LUZP2: variants seen among roughly 807,000 people sequenced by gnomAD.
LUZP2 encodes leucine zipper protein 2.
A neutral mutation model predicts 51.6 loss-of-function variants in LUZP2; 52 were observed. The observed-to-expected ratio is 1.01, with a 90% CI of 0.81 to 1.27. LUZP2 has a LOEUF of 1.27. LUZP2 is among the 50% of genes most tolerant of loss of function. The pLI is 0.00. For missense variants in LUZP2, 436 were observed against 395.4 expected (o/e 1.10, Z -0.87); for synonymous variants, 154 against 137.3 (o/e 1.12, Z -0.85).
At chr11:24,843,266 C>G (rs570505991) in intron 5 of LUZP2, among the ~76,000 whole-genome samples, 1 of 151,864 alleles carries the variant, frequency 6.6e-6, no homozygotes, top group Non-Finnish European at 1.5e-5. Context: ...CAAAGTGGGG[C>G]CATTTGATTT....
At chr11:24,665,676 C>T (rs935839765) in intron 1 of LUZP2, among the ~76,000 whole-genome samples, 1 of 152,080 alleles carries the variant, frequency 6.6e-6, no homozygotes. Flanking sequence ...ACAAGGCTTC[C>T]CTCTTTGCTT....
chr11:24,707,363 A>C (rs1310787100), intron 1 of LUZP2, among the ~76,000 whole-genome samples: 1 of 151,848 alleles, frequency 6.6e-6, no homozygotes, highest in Non-Finnish European at 1.5e-5. Flanking sequence ...GGCCAAATGC[A>C]CCATGAAGAC....
intron 5 of LUZP2, among the ~76,000 whole-genome samples, chr11:24,860,325 G>A (rs1851702403): frequency 6.6e-6 from 1 of 152,278 alleles, no homozygotes; most frequent in South Asian, 2.1e-4. Context: ...TGGGAGGGGT[G>A]GCTGCAGCCT....
At chr11:24,687,856 A>C (rs1856940536) in intron 1 of LUZP2, among the ~76,000 whole-genome samples, 1 of 152,182 alleles carries the variant, frequency 6.6e-6, no homozygotes. Context: ...GCTGGTAGGC[A>C]TTAACATATT....
intron 1 of LUZP2, among the ~76,000 whole-genome samples, chr11:24,632,494 T>C (rs1158523836): frequency 6.6e-6 from 1 of 151,974 alleles, no homozygotes; most frequent in Non-Finnish European, 1.5e-5. Flanking sequence ...GTGAGTTCTA[T>C]TATCAGCACA....
chr11:24,757,779 T>C (rs953943759), intron 4 of LUZP2, among the ~76,000 whole-genome samples: 1 of 152,012 alleles, frequency 6.6e-6, no homozygotes, highest in Non-Finnish European at 1.5e-5. Flanking sequence ...TATTCACAAT[T>C]TGAAGTATGA....
chr11:24,678,080 G>GC (rs1233586394), intron 1 of LUZP2, among the ~76,000 whole-genome samples: 1 of 137,536 alleles, frequency 7.3e-6, no homozygotes, highest in African/African-American at 2.7e-5. Context: ...GAGAAAGGGG[G>GC]GGGGGGGTGA....
At chr11:24,984,550 A>ATATATATATATATATATATATATATAT (rs1590803685) in intron 9 of LUZP2, among the ~76,000 whole-genome samples, 1 of 9,844 alleles carries the variant, frequency 1.0e-4, no homozygotes, top group East Asian at 2.0e-3. Flanking sequence ...ATATATATAT[A>ATATATATATATATATATATATATATAT]ATTGTGAATT....
chr11:24,714,869 G>C (rs995675346), intron 1 of LUZP2, among the ~76,000 whole-genome samples: 6 of 152,156 alleles, frequency 3.9e-5, no homozygotes, highest in Non-Finnish European at 5.9e-5. Flanking sequence ...CCACCAGAGA[G>C]ACTGACACAG....
At chr11:24,851,032 TA>T (rs761118455) in intron 5 of LUZP2, among the ~76,000 whole-genome samples, 74 of 152,332 alleles carry the variant, frequency 4.9e-4, no homozygotes, top group Non-Finnish European at 8.4e-4. Context: ...TGGGGTTGTC[TA>T]AATATACAAT....
intron 8 of LUZP2, among the ~76,000 whole-genome samples, chr11:24,981,792 A>G (rs1856038924): frequency 6.6e-6 from 1 of 151,940 alleles, no homozygotes; most frequent in South Asian, 2.1e-4. Flanking sequence ...AGAAAGAAAG[A>G]TGGCAAGTTT....
At chr11:24,592,980 G>A (rs1408269648) in intron 1 of LUZP2, among the ~76,000 whole-genome samples, 1 of 152,054 alleles carries the variant, frequency 6.6e-6, no homozygotes, top group East Asian at 1.9e-4. Context: ...TCCCCCTGAA[G>A]GGACACAAAA....
chr11:25,060,539 C>T (rs1180029971), intron 10 of LUZP2, among the ~76,000 whole-genome samples: 1 of 152,194 alleles, frequency 6.6e-6, no homozygotes, highest in East Asian at 1.9e-4. Context: ...TGGACTATCT[C>T]TTTATTCACA....
chr11:25,038,189 G>C (rs1048805136), intron 9 of LUZP2, among the ~76,000 whole-genome samples: 1 of 151,742 alleles, frequency 6.6e-6, no homozygotes, highest in African/African-American at 2.4e-5. Flanking sequence ...ATTTCTCAGA[G>C]GTATTATCCA....
chr11:24,500,199 G>A (rs914195487), intron 1 of LUZP2, among the ~76,000 whole-genome samples: 5 of 152,044 alleles, frequency 3.3e-5, no homozygotes, highest in Admixed American at 2.6e-4. Context: ...CAAAAGCCAA[G>A]CATTTTTCTC....
Position 24,617,838 on chromosome 11 carries a change from TA to T in LUZP2, c.63-111329del, listed in dbSNP as rs1322931705. Among the ~76,000 whole-genome samples, 3 of 151,628 alleles carry T rather than the reference TA, an allele frequency of 2.0e-5. No homozygotes were observed. In the East Asian group the frequency reaches 5.8e-4, roughly 29 times the overall value. On this transcript the variant is annotated intron_variant, in intron 1 of 11. Transcript: ENST00000336930. Reference sequence around the variant, plus strand: ...AAGACTCTGCCTCCAAAAATAGTAATAATAATAACAATAATAAATAAATAAA... The same window carrying T: ...AAGACTCTGCCTCCAAAAATAGTAATATAATAACAATAATAAATAAATAAA...
At chr11:24,813,089 G>A (rs368488180) in intron 5 of LUZP2, among the ~76,000 whole-genome samples, 1 of 151,992 alleles carries the variant, frequency 6.6e-6, no homozygotes, top group South Asian at 2.1e-4. Context: ...AATTACTTTT[G>A]TCCAGATTGA....
chr11:24,524,313 A>T (rs544158055), intron 1 of LUZP2, among the ~76,000 whole-genome samples: 20 of 151,822 alleles, frequency 1.3e-4, no homozygotes, highest in Non-Finnish European at 2.8e-4. Flanking sequence ...TGACTAAGGT[A>T]AAAATGAATG....
At chr11:24,995,208 C>T (rs1856456083) in intron 9 of LUZP2, among the ~76,000 whole-genome samples, 1 of 152,032 alleles carries the variant, frequency 6.6e-6, no homozygotes, top group Admixed American at 6.6e-5. Flanking sequence ...GCCTGGGCAA[C>T]ACGGCTCAAT....
Sources: allele counts gnomAD v4.1 joint callset (sites outside exome capture counted in the v4.1 genomes callset), GRCh38; gene constraint gnomAD v4.1.1; transcripts MANE v1.5; gene names NCBI Gene and HGNC (gene_info 2026-07-23, HGNC 2026-07-21).